NCKAP5: variants seen among roughly 807,000 people sequenced by gnomAD.
NCKAP5 encodes nck-associated protein 5.
Under a neutral mutation model 167.0 loss-of-function variants are expected in NCKAP5, and 92 were observed. That is an observed-to-expected ratio of 0.55 (90% CI 0.47 to 0.66). The LOEUF is 0.66. Ranked by LOEUF, NCKAP5 falls within the 30% of genes least tolerant of loss-of-function variation. NCKAP5 has a pLI of 0.00. For synonymous variants in NCKAP5, 891 were observed against 877.4 expected (o/e 1.02, Z -0.27); for missense variants, 2,378 against 2,315.0 (o/e 1.03, Z -0.56).
intron 5 of NCKAP5, among the ~76,000 whole-genome samples, chr2:133,145,920 A>C (rs2083177297): frequency 6.6e-6 from 1 of 152,148 alleles, no homozygotes. Context: ...CTTACAGCTG[A>C]ATCATTCCAC....
intron 5 of NCKAP5, among the ~76,000 whole-genome samples, chr2:133,190,015 T>C (rs959542788): frequency 1.8e-4 from 27 of 152,154 alleles, no homozygotes; most frequent in Middle Eastern, 3.4e-3. Flanking sequence ...GATTGTATAT[T>C]TAGAAAACCC....
At chr2:133,176,795 C>T (rs1344809) in intron 5 of NCKAP5, among the ~76,000 whole-genome samples, 95,231 of 152,080 alleles carry the variant, frequency 0.63, 32,255 homozygotes, top group African/African-American at 0.89. Flanking sequence ...AAACAATGCC[C>T]AGTTTCAGTG....
At chr2:133,264,561 G>C (rs988270919) in intron 4 of NCKAP5, among the ~76,000 whole-genome samples, 1 of 152,156 alleles carries the variant, frequency 6.6e-6, no homozygotes, top group African/African-American at 2.4e-5. Flanking sequence ...GTTTTGTTTG[G>C]AGGAACAAAT....
chr2:132,732,165 T>C, intron 16 of NCKAP5, 114 bp from the exon 17 acceptor site: 2 of 1,026,284 alleles, frequency 1.9e-6, no homozygotes, highest in Non-Finnish European at 2.8e-6. Flanking sequence ...GAAGGGTGAA[T>C]TTAAGAAAAA....
chr2:132,918,019 A>G (rs187195242), intron 8 of NCKAP5, among the ~76,000 whole-genome samples: 72 of 152,324 alleles, frequency 4.7e-4, no homozygotes, highest in Admixed American at 2.1e-3. Flanking sequence ...TAATTTTACC[A>G]TAAAATCAGA....
intron 7 of NCKAP5, 65 bp from the exon 8 acceptor site, chr2:132,963,934 T>A: frequency 1.3e-6 from 2 of 1,570,562 alleles, no homozygotes; most frequent in Non-Finnish European, 1.7e-6. Flanking sequence ...AGTGTGAGGC[T>A]GAAAAGGCTG....
intron 6 of NCKAP5, among the ~76,000 whole-genome samples, chr2:133,066,306 A>G (rs1169928375): frequency 1.3e-5 from 2 of 152,232 alleles, no homozygotes; most frequent in Non-Finnish European, 2.9e-5. Context: ...TTTGTTTTCA[A>G]TAAGTGTTCC....
At chr2:133,300,397 G>A (rs1247842501) in intron 4 of NCKAP5, among the ~76,000 whole-genome samples, 4 of 119,978 alleles carry the variant, frequency 3.3e-5, no homozygotes, top group Middle Eastern at 3.8e-3. Context: ...CTGGCAAACC[G>A]AATCCAGCAG....
chr2:133,070,203 T>A (rs1284457189), intron 6 of NCKAP5, among the ~76,000 whole-genome samples: 1 of 152,188 alleles, frequency 6.6e-6, no homozygotes, highest in East Asian at 1.9e-4. Context: ...TCTCCTTACT[T>A]AATGAAAAAT....
intron 8 of NCKAP5, among the ~76,000 whole-genome samples, chr2:132,898,691 G>C (rs1220053491): frequency 6.6e-6 from 1 of 152,224 alleles, no homozygotes; most frequent in African/African-American, 2.4e-5. Context: ...ATACTTCAGA[G>C]CTCTTGGATG....
chr2:133,063,171 C>T (rs2080069234), intron 6 of NCKAP5, among the ~76,000 whole-genome samples: 1 of 152,170 alleles, frequency 6.6e-6, no homozygotes, highest in African/African-American at 2.4e-5. Context: ...CAGGAGGAAG[C>T]TGAGTTGCCA....
chr2:132,755,293 T>C (rs755868884), intron 16 of NCKAP5, among the ~76,000 whole-genome samples: 4 of 152,180 alleles, frequency 2.6e-5, no homozygotes, highest in Non-Finnish European at 5.9e-5. Context: ...GGGCATCCCC[T>C]GCTTGAGAGT....
chr2:133,440,709 CA>C (rs1174654151), intron 3 of NCKAP5, among the ~76,000 whole-genome samples: 1,023 of 32,656 alleles, frequency 0.031, no homozygotes, highest in African/African-American at 0.037. Flanking sequence ...GACTCTGTCT[CA>C]AAAAAAAAAA....
Position 133,133,214 on chromosome 2 carries a change from T to C in NCKAP5, c.208-3103A>G, listed in dbSNP as rs72842462. Among the ~76,000 whole-genome samples the C allele has an allele frequency of 5.5e-3, 844 of 152,262 alleles. 3 individuals carry two copies. Among genetic ancestry groups the C allele is most frequent in the Non-Finnish European group, 0.01 (684 of 68,012 alleles). On this transcript the variant is annotated intron_variant, in intron 5 of 19. Transcript: ENST00000409261. ...CCACTAGGTACTGAAGAGCAATAAG[T>C]AGAGGACAATATCCTGGGAATCTGG...
chr2:133,020,438 G>A (rs1029642479), intron 6 of NCKAP5, among the ~76,000 whole-genome samples: 1 of 152,156 alleles, frequency 6.6e-6, no homozygotes, highest in Admixed American at 6.5e-5. Context: ...TAAAAGACAT[G>A]CATAAAAGAT....
intron 3 of NCKAP5, among the ~76,000 whole-genome samples, chr2:133,332,005 C>T (rs1179511949): frequency 1.3e-5 from 2 of 152,122 alleles, no homozygotes; most frequent in African/African-American, 4.8e-5. Flanking sequence ...GTTTAGCTCA[C>T]ATGTGTGTCA....
chr2:133,643,356 T>C, the NCKAP5 span, among the ~76,000 whole-genome samples: 35 of 152,280 alleles, frequency 2.3e-4, no homozygotes, highest in African/African-American at 8.4e-4. Flanking sequence ...TATCTGAAAT[T>C]ATCACAGCCC....
Position 133,332,960 on chromosome 2 carries a change from G to C in NCKAP5, c.70-29850C>G, listed in dbSNP as rs375379455. On this transcript the variant is annotated intron_variant, in intron 3 of 19. Coordinates refer to ENST00000409261, the MANE Select transcript of NCKAP5 (RefSeq NM_207363.3). ...CTGCTTGAAACCATTTTTCCAAAAG[G>C]TTCTCTCTGGAGGGAAAATTCTGGT... Among the ~76,000 whole-genome samples, 9 of 152,210 alleles carry C rather than the reference G, an allele frequency of 5.9e-5. No individual in the cohort carries two copies. In the East Asian group the frequency reaches 9.6e-4, roughly 16 times the overall value.
intron 19 of NCKAP5, among the ~76,000 whole-genome samples, chr2:132,686,125 G>C (rs927808471): frequency 5.9e-5 from 9 of 152,158 alleles, no homozygotes; most frequent in Admixed American, 1.3e-4. Flanking sequence ...GGATTCAAAT[G>C]ATCCAGGGAT....
Sources: gnomAD v4.1 joint callset for allele counts (sites outside exome capture counted in the v4.1 genomes callset) on GRCh38, gnomAD v4.1.1 for gene constraint, MANE v1.5 for transcripts, NCBI Gene and HGNC (gene_info 2026-07-23, HGNC 2026-07-21) for gene names.